Variants in LARGE1 observed in about 807,000 individuals in gnomAD.
LARGE1 encodes xylosyl- and glucuronyltransferase LARGE1.
In LARGE1, 43 loss-of-function variants were observed where a neutral mutation model predicts 87.6. The observed-to-expected ratio is 0.49, with a 90% CI of 0.38 to 0.63. The LOEUF is 0.63. LARGE1 is among the 30% of genes least tolerant of loss of function. LARGE1 has a pLI of 0.00. For synonymous variants in LARGE1, 434 were observed against 394.6 expected (o/e 1.10, Z -1.18); for missense variants, 802 against 1,000.2 (o/e 0.80, Z 2.67).
At chr22:33,765,185 T>G (rs528549259) in intron 1 of LARGE1, among the ~76,000 whole-genome samples, 2 of 151,928 alleles carry the variant, frequency 1.3e-5, no homozygotes, top group South Asian at 4.2e-4. Flanking sequence ...GAGAGATTAA[T>G]TAACTGGCCA....
At chr22:33,899,489 G>A (rs2065229710) in intron 1 of LARGE1, among the ~76,000 whole-genome samples, 1 of 152,164 alleles carries the variant, frequency 6.6e-6, no homozygotes, top group Non-Finnish European at 1.5e-5. Flanking sequence ...AGAACTGCAG[G>A]TGGCAAGTGA....
intron 6 of LARGE1, among the ~76,000 whole-genome samples, chr22:33,466,108 G>A (rs1345278268): frequency 6.6e-6 from 1 of 151,922 alleles, no homozygotes; most frequent in East Asian, 1.9e-4. Context: ...CCTATACCCC[G>A]GCCATGTTGG....
the LARGE1 span, among the ~76,000 whole-genome samples, chr22:33,146,904 G>A: frequency 7.2e-5 from 11 of 152,044 alleles, no homozygotes; most frequent in Non-Finnish European, 1.0e-4. Flanking sequence ...GTCTACAGCC[G>A]TGTCTGTAAT....
At chr22:33,624,725 C>T (rs908656396) in intron 4 of LARGE1, among the ~76,000 whole-genome samples, 14 of 152,182 alleles carry the variant, frequency 9.2e-5, no homozygotes, top group African/African-American at 3.1e-4. Flanking sequence ...AAGGAGAAGC[C>T]GCTAAAAGGT....
intron 7 of LARGE1, among the ~76,000 whole-genome samples, chr22:33,416,883 A>T (rs1018119183): frequency 1.4e-5 from 2 of 140,538 alleles, no homozygotes; most frequent in Non-Finnish European, 3.0e-5. Context: ...CTGGGATTAC[A>T]GGTGTGAGGC....
At chr22:33,453,402 G>A (rs2267211) in intron 6 of LARGE1, among the ~76,000 whole-genome samples, 23,271 of 150,472 alleles carry the variant, frequency 0.15, 2,015 homozygotes, top group East Asian at 0.27. Context: ...GTGACAGAGC[G>A]AGACTCCATC....
intron 1 of LARGE1, among the ~76,000 whole-genome samples, chr22:33,770,007 C>T (rs2085016633): frequency 6.6e-6 from 1 of 152,164 alleles, no homozygotes; most frequent in African/African-American, 2.4e-5. Flanking sequence ...CTACGATTTC[C>T]ATTTAATATC....
chr22:33,626,348 G>A (rs1451456987), intron 3 of LARGE1, 22 bp from the exon 4 acceptor site: 4 of 1,602,780 alleles, frequency 2.5e-6, no homozygotes, highest in Non-Finnish European at 2.6e-6. Context: ...AGAAGACGGG[G>A]TGAGCAGTCA....
At chr22:33,242,329 T>C (rs16992007) in intron 11 of LARGE1, among the ~76,000 whole-genome samples, 9,071 of 152,148 alleles carry the variant, frequency 0.06, 309 homozygotes, top group Middle Eastern at 0.085. Context: ...AAATTCAATT[T>C]ATATGCACCT....
chr22:33,680,888 T>C (rs1049077056), intron 2 of LARGE1, among the ~76,000 whole-genome samples: 2 of 152,200 alleles, frequency 1.3e-5, no homozygotes, highest in African/African-American at 2.4e-5. Context: ...AAGTGCTCTT[T>C]GTGTTAAATG....
intron 1 of LARGE1, among the ~76,000 whole-genome samples, chr22:33,785,011 G>A (rs183395743): frequency 5.3e-5 from 8 of 149,900 alleles, no homozygotes; most frequent in Middle Eastern, 3.7e-3. Context: ...ACATATATGT[G>A]TATACATACA....
intron 2 of LARGE1, among the ~76,000 whole-genome samples, chr22:33,685,363 T>G (rs1031591253): frequency 6.6e-6 from 1 of 152,204 alleles, no homozygotes; most frequent in African/African-American, 2.4e-5. Context: ...CATCAACCTG[T>G]AGTCAAATGT....
chr22:33,694,046 T>G (rs899393580), intron 2 of LARGE1, among the ~76,000 whole-genome samples: 2 of 152,168 alleles, frequency 1.3e-5, no homozygotes, highest in African/African-American at 2.4e-5. Context: ...CTGAGGTGGC[T>G]CCCTCTGTCA....
At chr22:33,363,247 C>T (rs960387481) in intron 9 of LARGE1, among the ~76,000 whole-genome samples, 17 of 149,538 alleles carry the variant, frequency 1.1e-4, no homozygotes, top group Non-Finnish European at 2.2e-4. Flanking sequence ...TGTATAAGTC[C>T]GTTTTCACGC....
chr22:33,384,461 A>AAGATGGAGACGGAGGATGCGG (rs1555908164), intron 7 of LARGE1, among the ~76,000 whole-genome samples, 157 bp from the exon 8 acceptor site: 1 of 150,028 alleles, frequency 6.7e-6, no homozygotes, highest in Non-Finnish European at 1.5e-5. Flanking sequence ...CCCTCTAAAA[A>AAGATGGAGACGGAGGATGCGG]TTCTTCCAAT....
At chr22:33,309,674 C>T (rs1057080994) in intron 11 of LARGE1, among the ~76,000 whole-genome samples, 3 of 152,174 alleles carry the variant, frequency 2.0e-5, no homozygotes, top group Admixed American at 1.3e-4. Flanking sequence ...CATTTTGTTA[C>T]AGCAGATAAT....
the LARGE1 span, among the ~76,000 whole-genome samples, chr22:33,101,945 T>C: frequency 1.3e-5 from 2 of 152,194 alleles, no homozygotes; most frequent in Non-Finnish European, 2.9e-5. Context: ...TAAAATCTTT[T>C]TGTTTTATTC....
At chr22:33,880,156 T>C (rs1315790077) in intron 1 of LARGE1, among the ~76,000 whole-genome samples, 1 of 152,252 alleles carries the variant, frequency 6.6e-6, no homozygotes, top group Admixed American at 6.5e-5. Flanking sequence ...CATGCTCTTA[T>C]TTCTGCAAGC....
At chr22:33,898,405 C>A (rs1469308477) in intron 1 of LARGE1, among the ~76,000 whole-genome samples, 2 of 152,188 alleles carry the variant, frequency 1.3e-5, no homozygotes. Flanking sequence ...GCACTTTACA[C>A]CACGTAACCC....
Sources: gnomAD v4.1 joint callset for allele counts (sites outside exome capture counted in the v4.1 genomes callset) on GRCh38, gnomAD v4.1.1 for gene constraint, MANE v1.5 for transcripts, NCBI Gene and HGNC (gene_info 2026-07-23, HGNC 2026-07-21) for gene names.